Variants in RIN3 observed in about 807,000 individuals in gnomAD.
RIN3 encodes RAB5 interacting protein 3.
A neutral mutation model predicts 76.3 loss-of-function variants in RIN3; 54 were observed. The observed-to-expected ratio is 0.71, with a 90% CI of 0.57 to 0.89. The LOEUF (loss-of-function observed/expected upper bound fraction) is 0.89, where lower values mean the gene tolerates loss of function less well. Ranked by LOEUF, RIN3 falls within the 40% of genes least tolerant of loss-of-function variation. RIN3 has a pLI of 0.00. For synonymous variants in RIN3, 576 were observed against 564.0 expected (o/e 1.02, Z -0.30); for missense variants, 1,256 against 1,322.1 (o/e 0.95, Z 0.78).
intron 3 of RIN3, among the ~76,000 whole-genome samples, chr14:92,587,788 C>T (rs1263660040): frequency 4.6e-5 from 7 of 151,444 alleles, no homozygotes; most frequent in Non-Finnish European, 7.4e-5. Context: ...AGGAGAGCAC[C>T]GGGTTTGGAT....
chr14:92,646,597 G>A (rs1325033557), intron 5 of RIN3, among the ~76,000 whole-genome samples: 4 of 152,104 alleles, frequency 2.6e-5, no homozygotes, highest in Middle Eastern at 3.2e-3. Context: ...CTGCCACCAC[G>A]CCTGACTAAT....
At chr14:92,595,931 G>A (rs574331545) in intron 3 of RIN3, among the ~76,000 whole-genome samples, 1 of 152,306 alleles carries the variant, frequency 6.6e-6, no homozygotes, top group Admixed American at 6.5e-5. Context: ...ACTATTTAAG[G>A]AAGCAGTCAG....
In RIN3 at chr14:92,593,090, T is replaced by C. The variant is rs1434738446; in HGVS notation, c.367+15613T>C. On this transcript the variant is annotated intron_variant, in intron 3 of 9. Coordinates refer to ENST00000216487, the MANE Select transcript of RIN3 (RefSeq NM_024832.5). ...TCACAACGTGTGAAGCAGTATAGCGTTATTTGAAAATGGACTTGGATTGGT... is the reference window on the plus strand; with the variant it reads ...TCACAACGTGTGAAGCAGTATAGCGCTATTTGAAAATGGACTTGGATTGGT... Among the ~76,000 whole-genome samples the C allele has an allele frequency of 2.0e-5, 3 of 152,160 alleles. No individual in the cohort carries two copies. In the East Asian group the frequency reaches 5.8e-4, roughly 29 times the overall value.
At chr14:92,527,589 GAC>G (rs754471795) in intron 1 of RIN3, among the ~76,000 whole-genome samples, 13 of 152,196 alleles carry the variant, frequency 8.5e-5, no homozygotes, top group Non-Finnish European at 1.8e-4. Flanking sequence ...TTGACAAACA[GAC>G]AGCCATGCAA....
rs531098376 is a variant in RIN3, at chr14:92,532,143, A to G, written c.44+18167A>G. Among the ~76,000 whole-genome samples the G allele has an allele frequency of 5.9e-5, 9 of 152,034 alleles. No homozygotes were observed. In the South Asian group the frequency reaches 6.2e-4, roughly 11 times the overall value. Reference sequence around the variant, plus strand: ...GAGGTTTCACCATGTTGGCCGGGCTATTCTTGAACTCTTGACCTCAAGTGG... The same window carrying G: ...GAGGTTTCACCATGTTGGCCGGGCTGTTCTTGAACTCTTGACCTCAAGTGG... On this transcript the variant is annotated intron_variant, in intron 1 of 9. Transcript: ENST00000216487.
intron 1 of RIN3, among the ~76,000 whole-genome samples, chr14:92,525,056 C>T (rs1312515029): frequency 2.0e-5 from 3 of 152,218 alleles, no homozygotes; most frequent in African/African-American, 4.8e-5. Context: ...TTACTGCTCA[C>T]GTGTTCCTGG....
intron 2 of RIN3, among the ~76,000 whole-genome samples, chr14:92,558,355 AT>A (rs1268371748): frequency 4.6e-5 from 7 of 152,056 alleles, no homozygotes; most frequent in Non-Finnish European, 1.0e-4. Context: ...TCCAAAAAAA[AT>A]GATTAAAAAG....
intron 7 of RIN3, among the ~76,000 whole-genome samples, chr14:92,673,805 C>T (rs1351112430): frequency 1.3e-5 from 2 of 152,162 alleles, no homozygotes; most frequent in South Asian, 4.2e-4. Flanking sequence ...CGCGCCCGGC[C>T]GCCACATCTT....
intron 6 of RIN3, among the ~76,000 whole-genome samples, chr14:92,653,467 C>T (rs1263161365): frequency 1.3e-5 from 2 of 152,180 alleles, no homozygotes; most frequent in Non-Finnish European, 2.9e-5. Context: ...TGCTCAAGCT[C>T]GCTCTGCGGC....
intron 4 of RIN3, among the ~76,000 whole-genome samples, chr14:92,622,133 A>T (rs556878883): frequency 6.6e-6 from 1 of 152,298 alleles, no homozygotes; most frequent in East Asian, 1.9e-4. Flanking sequence ...TCTAAACAAT[A>T]TGGGGGCCAA....
rs373597134 is a variant in RIN3 at position 92,664,364 on chromosome 14, C to CTTT, written c.2335+4914_2335+4916dup. Reference sequence around the variant, plus strand: ...GCTTCATCATTTTCTTTCTTTCTTTCTTTTTTTTTTTTTTTTTTTTTGAGA... The same window carrying CTTT: ...GCTTCATCATTTTCTTTCTTTCTTTCTTTTTTTTTTTTTTTTTTTTTTTTGAGA... On this transcript the variant is annotated intron_variant, in intron 7 of 9. Transcript: ENST00000216487. 2.1e-3 allele frequency among the ~76,000 whole-genome samples: 179 copies of CTTT among 84,370 alleles called. 1 individual carries two copies. The highest frequency in any genetic ancestry group is 2.4e-3 in the Non-Finnish European group (102 of 43,032). The allele number at this position is 84,370 out of a possible 152,430, so 55.3% of individuals were successfully genotyped here.
In RIN3 at chr14:92,568,353, A is replaced by T. The variant is rs2140048947; in HGVS notation, c.250-9007A>T. Reference sequence around the variant, plus strand: ...ATGTAGATATAAACAACTCATGAAGATGGCTGCTGCCTGACACTGACTTGG... The same window carrying T: ...ATGTAGATATAAACAACTCATGAAGTTGGCTGCTGCCTGACACTGACTTGG... On this transcript the variant is annotated intron_variant, in intron 2 of 9. Transcript: ENST00000216487. This position sits in a 1 kb window ranked among gnomAD's most constrained non-coding sequence, Gnocchi z 4.2. Among the ~76,000 whole-genome samples the T allele has an allele frequency of 6.6e-6, 1 of 152,304 alleles. No individual in the cohort carries two copies. The highest frequency in any genetic ancestry group is 1.5e-5 in the Non-Finnish European group (1 of 68,014).
chr14:92,673,853 A>G (rs7152589), intron 7 of RIN3, among the ~76,000 whole-genome samples: 46,629 of 152,098 alleles, frequency 0.31, 7,710 homozygotes, highest in Non-Finnish European at 0.36. Context: ...ATGATCCTGC[A>G]CTACTGTGCA....
intron 7 of RIN3, among the ~76,000 whole-genome samples, chr14:92,662,874 T>C (rs1296683359): frequency 1.3e-5 from 2 of 151,410 alleles, no homozygotes; most frequent in African/African-American, 4.9e-5. Flanking sequence ...TTTCTGTCAC[T>C]CAGGCTTAAG....
At chr14:92,671,224 C>T (rs1463678619) in intron 7 of RIN3, among the ~76,000 whole-genome samples, 2 of 151,928 alleles carry the variant, frequency 1.3e-5, no homozygotes, top group Non-Finnish European at 2.9e-5. Flanking sequence ...CTGAATCAGT[C>T]AAGGCATATG....
At chr14:92,553,117 T>C (rs1897481186) in intron 1 of RIN3, among the ~76,000 whole-genome samples, 1 of 151,624 alleles carries the variant, frequency 6.6e-6, no homozygotes, top group Admixed American at 6.6e-5. Flanking sequence ...CCAGTCCCCA[T>C]TGCACAGATG....
intron 1 of RIN3, among the ~76,000 whole-genome samples, chr14:92,534,811 A>C (rs1457888334): frequency 6.6e-6 from 1 of 152,124 alleles, no homozygotes; most frequent in African/African-American, 2.4e-5. Context: ...GGGAAGATTC[A>C]TGCCTGGGTG....
chr14:92,522,484 G>C (rs1241441943), intron 1 of RIN3, among the ~76,000 whole-genome samples: 1 of 152,282 alleles, frequency 6.6e-6, no homozygotes, highest in East Asian at 1.9e-4. Flanking sequence ...TTCACTGAGT[G>C]TTACCTCTGG....
intron 1 of RIN3, among the ~76,000 whole-genome samples, chr14:92,520,269 G>A (rs974312551): frequency 3.3e-5 from 5 of 152,234 alleles, no homozygotes; most frequent in Non-Finnish European, 5.9e-5. Flanking sequence ...ATCCTATGGG[G>A]TAATGGTGCT....
Sources: allele counts gnomAD v4.1 joint callset (sites outside exome capture counted in the v4.1 genomes callset), GRCh38; gene constraint gnomAD v4.1.1; non-coding constraint Gnocchi (gnomAD v3.1); transcripts MANE v1.5; gene names NCBI Gene and HGNC (gene_info 2026-07-23, HGNC 2026-07-21).